LOC400499: variants seen among roughly 807,000 people sequenced by gnomAD.
At chr16:11,486,278 GATGGATGGATGGATGGATGA>G in the LOC400499 span, among the ~76,000 whole-genome samples, 300 of 130,594 alleles carry the variant, frequency 2.3e-3, 23 homozygotes, top group African/African-American at 9.4e-3. Flanking sequence ...TGGAGGGATG[GATGGATGGATGGATGGATGA>G]ATGGTACATG....
chr16:11,515,757 G>T, the LOC400499 span, among the ~76,000 whole-genome samples: 1 of 149,418 alleles, frequency 6.7e-6, no homozygotes. Flanking sequence ...AAGGGAGGAG[G>T]AGGAGAAAAA....
the LOC400499 span, chr16:11,518,985 A>T: frequency 5.0e-6 from 2 of 398,962 alleles, no homozygotes; most frequent in Admixed American, 4.4e-5. Flanking sequence ...AGCACAAAGC[A>T]CCGTGAGTTG....
the LOC400499 span, chr16:11,398,506 G>A: frequency 7.6e-4 from 940 of 1,232,206 alleles, no homozygotes; most frequent in Non-Finnish European, 9.0e-4. Context: ...GATGGCCAAT[G>A]CCTCTGGAAT....
chr16:11,482,877 A>T, the LOC400499 span, among the ~76,000 whole-genome samples: 1 of 150,854 alleles, frequency 6.6e-6, no homozygotes, highest in South Asian at 2.1e-4. Context: ...GCATGACAGA[A>T]CCAGACCTCA....
the LOC400499 span, among the ~76,000 whole-genome samples, chr16:11,375,949 G>C: frequency 6.6e-6 from 1 of 152,144 alleles, no homozygotes; most frequent in Non-Finnish European, 1.5e-5. Flanking sequence ...AACATGTTGA[G>C]GCTGGTCTCG....
chr16:11,498,417 G>A, the LOC400499 span, among the ~76,000 whole-genome samples: 1 of 152,184 alleles, frequency 6.6e-6, no homozygotes, highest in Non-Finnish European at 1.5e-5. Flanking sequence ...GGGAGGTGGA[G>A]GTTGCAGTGA....
the LOC400499 span, among the ~76,000 whole-genome samples, chr16:11,443,621 G>A: frequency 6.6e-6 from 1 of 152,066 alleles, no homozygotes; most frequent in African/African-American, 2.4e-5. Flanking sequence ...AGACCCGGAT[G>A]GGGTTCTAGT....
chr16:11,503,540 C>T, the LOC400499 span, among the ~76,000 whole-genome samples: 1 of 152,318 alleles, frequency 6.6e-6, no homozygotes, highest in Non-Finnish European at 1.5e-5. Flanking sequence ...CCTGAATCCC[C>T]CACCCACCCA....
the LOC400499 span, among the ~76,000 whole-genome samples, chr16:11,439,112 C>T: frequency 3.9e-5 from 6 of 152,262 alleles, no homozygotes; most frequent in African/African-American, 1.4e-4. Flanking sequence ...AGGGCTCCCA[C>T]CTGGATGTCT....
chr16:11,511,920 C>T, the LOC400499 span, among the ~76,000 whole-genome samples: 14 of 151,874 alleles, frequency 9.2e-5, no homozygotes, highest in African/African-American at 3.1e-4. Flanking sequence ...GGGAGGCTGA[C>T]ACTGGGGGAA....
At chr16:11,469,493 G>A in the LOC400499 span, 16 of 399,086 alleles carry the variant, frequency 4.0e-5, no homozygotes, top group Admixed American at 5.7e-4. Flanking sequence ...GAGCAGGGAG[G>A]GACGTTGACA....
At chr16:11,507,289 G>A in the LOC400499 span, among the ~76,000 whole-genome samples, 1 of 152,190 alleles carries the variant, frequency 6.6e-6, no homozygotes, top group Admixed American at 6.5e-5. Flanking sequence ...GACTGCAGGT[G>A]GTGATGATGG....
the LOC400499 span, chr16:11,385,378 A>T: frequency 8.1e-7 from 1 of 1,232,272 alleles, no homozygotes; most frequent in African/African-American, 1.5e-5. Context: ...CGGCCGTCGA[A>T]GGTCACCACG....
At chr16:11,385,265 T>C in the LOC400499 span, 1 of 1,232,312 alleles carries the variant, frequency 8.1e-7, no homozygotes, top group East Asian at 3.2e-5. Flanking sequence ...CGAACAGGGC[T>C]GTGAGCCCCG....
the LOC400499 span, chr16:11,470,626 G>A: frequency 2.0e-5 from 3 of 152,300 alleles, no homozygotes; most frequent in Admixed American, 2.0e-4. Context: ...GATGTGTGCT[G>A]CTGCGTGGAA....
At chr16:11,498,691 C>T in the LOC400499 span, among the ~76,000 whole-genome samples, 1 of 151,698 alleles carries the variant, frequency 6.6e-6, no homozygotes, top group Non-Finnish European at 1.5e-5. Flanking sequence ...GAAAATACAG[C>T]CCAGAGAGGC....
chr16:11,487,046 T>C, the LOC400499 span, among the ~76,000 whole-genome samples: 3 of 150,748 alleles, frequency 2.0e-5, no homozygotes, highest in African/African-American at 4.9e-5. Flanking sequence ...AGTGGATAGA[T>C]GGAAGGAGGG....
the LOC400499 span, among the ~76,000 whole-genome samples, chr16:11,421,863 T>C: frequency 5.9e-5 from 9 of 152,220 alleles, no homozygotes; most frequent in African/African-American, 7.2e-5. Flanking sequence ...GCACCAATGA[T>C]TGTAGAATAG....
chr16:11,434,485 A>G, the LOC400499 span, among the ~76,000 whole-genome samples: 1 of 152,118 alleles, frequency 6.6e-6, no homozygotes, highest in Admixed American at 6.5e-5. Context: ...GTCTGATGCT[A>G]CCTCCAGGTA....
Sources: allele counts gnomAD v4.1 joint callset (sites outside exome capture counted in the v4.1 genomes callset), GRCh38; gene constraint gnomAD v4.1.1; transcripts MANE v1.5.